The following MTCL2 variants were observed in gnomAD, a reference collection of about 807,000 sequenced individuals.
The protein encoded by MTCL2 is microtubule crosslinking factor 2, also known as microtubule cross-linking factor 2.
chr20:36,833,992 G>A, the MTCL2 span, among the ~76,000 whole-genome samples: 9 of 151,968 alleles, frequency 5.9e-5, no homozygotes, highest in Admixed American at 3.3e-4. Context: ...GTGAAACCCC[G>A]TCTCTACTAA....
chr20:36,827,473 A>G, the MTCL2 span, among the ~76,000 whole-genome samples: 12 of 149,630 alleles, frequency 8.0e-5, no homozygotes, highest in Non-Finnish European at 1.8e-4. Context: ...CTGGGACTAC[A>G]GGCAGGCACC....
At chr20:36,787,258 T>G in the MTCL2 span, among the ~76,000 whole-genome samples, 1 of 152,068 alleles carries the variant, frequency 6.6e-6, no homozygotes, top group African/African-American at 2.4e-5. Flanking sequence ...GACAGAATCT[T>G]GCTCTGTTCC....
chr20:36,801,777 C>T, the MTCL2 span, among the ~76,000 whole-genome samples: 1 of 151,632 alleles, frequency 6.6e-6, no homozygotes, highest in South Asian at 2.1e-4. Flanking sequence ...ACCAGCCTGG[C>T]CAACATGGTG....
the MTCL2 span, among the ~76,000 whole-genome samples, chr20:36,795,263 A>AT: frequency 6.6e-6 from 1 of 151,850 alleles, no homozygotes; most frequent in South Asian, 2.1e-4. Flanking sequence ...TTTTTAAAAA[A>AT]TTTTTTGTAG....
At chr20:36,839,341 T>A in the MTCL2 span, 1 of 1,612,918 alleles carries the variant, frequency 6.2e-7, no homozygotes, top group South Asian at 1.1e-5. The surrounding 1 kb of genome is among the most constrained non-coding windows in gnomAD (Gnocchi z 5.1). Context: ...CTTGCTGGCC[T>A]GGTCCAGCTG....
At chr20:36,778,825 A>T in the MTCL2 span, 14 of 152,354 alleles carry the variant, frequency 9.2e-5, no homozygotes, top group African/African-American at 3.4e-4. Context: ...GGAGAAGTGA[A>T]GACATCTGCC....
At chr20:36,855,517 C>T in the MTCL2 span, among the ~76,000 whole-genome samples, 1 of 152,202 alleles carries the variant, frequency 6.6e-6, no homozygotes, top group Non-Finnish European at 1.5e-5. Flanking sequence ...AAGTTCCTTC[C>T]GGCACCAAGG....
At chr20:36,835,068 C>T in the MTCL2 span, among the ~76,000 whole-genome samples, 1 of 152,140 alleles carries the variant, frequency 6.6e-6, no homozygotes. Flanking sequence ...ACTCTCTTCA[C>T]TTGAATTATT....
chr20:36,782,538 A>G, the MTCL2 span: 1 of 152,050 alleles, frequency 6.6e-6, no homozygotes, highest in Non-Finnish European at 1.5e-5. Context: ...TGGGGTGGGA[A>G]ACGATTTCTT....
the MTCL2 span, among the ~76,000 whole-genome samples, chr20:36,840,316 C>T: frequency 2.0e-5 from 3 of 151,730 alleles, no homozygotes; most frequent in East Asian, 1.9e-4. Flanking sequence ...AGGCACCCGC[C>T]ACCACGCCTG....
chr20:36,813,548 A>G, the MTCL2 span, among the ~76,000 whole-genome samples: 2 of 151,552 alleles, frequency 1.3e-5, no homozygotes, highest in Non-Finnish European at 2.9e-5. Flanking sequence ...AGCCTGGCCA[A>G]CATCGTGAAA....
At chr20:36,812,921 C>T in the MTCL2 span, 1 of 1,518,458 alleles carries the variant, frequency 6.6e-7, no homozygotes, top group Non-Finnish European at 8.8e-7. Context: ...AAACACCCAC[C>T]CCAGGCCTCT....
chr20:36,802,463 T>G, the MTCL2 span, among the ~76,000 whole-genome samples: 1 of 152,070 alleles, frequency 6.6e-6, no homozygotes, highest in Non-Finnish European at 1.5e-5. Flanking sequence ...AATTTTCCCA[T>G]GGGAACCACT....
chr20:36,813,313 T>A, the MTCL2 span, among the ~76,000 whole-genome samples: 21 of 41,900 alleles, frequency 5.0e-4, 4 homozygotes, highest in African/African-American at 2.2e-3. Flanking sequence ...ACTGTTTCTT[T>A]AAAAAAAAAA....
the MTCL2 span, among the ~76,000 whole-genome samples, chr20:36,852,265 C>T: frequency 6.6e-6 from 1 of 152,200 alleles, no homozygotes; most frequent in African/African-American, 2.4e-5. Context: ...CCTGGGCTGC[C>T]TCCCATCTGC....
At chr20:36,794,163 T>C in the MTCL2 span, 1 of 1,551,070 alleles carries the variant, frequency 6.4e-7, no homozygotes, top group Non-Finnish European at 8.7e-7. The surrounding 1 kb of genome is among the most constrained non-coding windows in gnomAD (Gnocchi z 5.4). Context: ...CGTGAGAAGT[T>C]GCAGAGCCAC....
the MTCL2 span, chr20:36,797,411 G>T: frequency 5.2e-6 from 7 of 1,351,454 alleles, no homozygotes; most frequent in Non-Finnish European, 7.2e-6. Flanking sequence ...ATGAGACAGG[G>T]TTAGCAACTT....
the MTCL2 span, among the ~76,000 whole-genome samples, chr20:36,857,146 A>G: frequency 2.0e-3 from 303 of 152,282 alleles, 2 homozygotes; most frequent in Admixed American, 3.5e-3. Context: ...GTGTGTGTGT[A>G]TAACGTCTGT....
At chr20:36,832,809 C>T in the MTCL2 span, among the ~76,000 whole-genome samples, 1 of 152,128 alleles carries the variant, frequency 6.6e-6, no homozygotes, top group Admixed American at 6.5e-5. Context: ...CACCACTGCA[C>T]TCCAGCCTGG....
Sources: gnomAD v4.1 joint callset for allele counts (sites outside exome capture counted in the v4.1 genomes callset) on GRCh38, gnomAD v4.1.1 for gene constraint, Gnocchi (gnomAD v3.1) non-coding constraint, MANE v1.5 for transcripts, NCBI Gene and HGNC (gene_info 2026-07-23, HGNC 2026-07-21) for gene names.